Variants in JAKMIP1 observed in about 807,000 individuals in gnomAD.
JAKMIP1 encodes the protein janus kinase and microtubule interacting protein 1.
JAKMIP1 carries 33 observed loss-of-function variants against 113.0 expected under a neutral mutation model. That is an observed-to-expected ratio of 0.29 (90% confidence interval 0.22 to 0.39). The LOEUF is 0.39. JAKMIP1 is among the 10% of genes least tolerant of loss of function. JAKMIP1 has a pLI of 1.00. For missense variants in JAKMIP1, 813 were observed against 1,080.5 expected, an observed-to-expected ratio of 0.75 and a Z score of 3.47; for synonymous variants, 480 against 459.9, an observed-to-expected ratio of 1.04 and a Z score of -0.56.
Position 6,176,963 on chromosome 4 carries a change from G to A in JAKMIP1, c.-148+23290C>T, listed in dbSNP as rs1725412349. Among the ~76,000 whole-genome samples, 1 of 152,172 alleles carries A rather than the reference G, an allele frequency of 6.6e-6. No individual in the cohort carries two copies. Among genetic ancestry groups the A allele is most frequent in the African/African-American group, 2.4e-5 (1 of 41,440 alleles). On this transcript the variant is annotated intron_variant, in intron 1 of 20. Transcript: ENST00000409021. This position sits in a 1 kb window ranked among gnomAD's most constrained non-coding sequence, Gnocchi z 5.5. ...TGGGAGGATCGCTTGCATCGGGGAG[G>A]TTGAGGCTGCAGTGAGCCATGATTT...
At chr4:6,052,643 T>C (rs968652509) in intron 13 of JAKMIP1, among the ~76,000 whole-genome samples, 19 of 125,950 alleles carry the variant, frequency 1.5e-4, no homozygotes, top group African/African-American at 5.8e-4. Flanking sequence ...AGAGCGAGAC[T>C]CTGTCCTAAA....
intron 1 of JAKMIP1, among the ~76,000 whole-genome samples, chr4:6,132,869 A>G (rs1256351582): frequency 2.0e-5 from 3 of 152,090 alleles, no homozygotes; most frequent in South Asian, 2.1e-4. Context: ...TGCTACAAGA[A>G]AGCACTGCAT....
At position 6,080,913 on chromosome 4, in the gene JAKMIP1, G is replaced by A. The variant is rs1720424654; in HGVS notation, c.1102-601C>T. 6.6e-6 allele frequency among the ~76,000 whole-genome samples: 1 copy of A among 151,362 alleles called. No individual in the cohort carries two copies. The highest frequency in any genetic ancestry group is 2.1e-4 in the South Asian group (1 of 4,772). On this transcript the variant is annotated intron_variant, in intron 6 of 20. Coordinates refer to ENST00000409021, the MANE Select transcript of JAKMIP1 (RefSeq NM_001099433.2). The surrounding 1 kb of genome is among the most constrained non-coding windows in gnomAD (Gnocchi z 6.0). ...TGCGCAGGGCCTGGGGGTGGAAGAC[G>A]ACATTTGAAATGAGCCTAGAAACCT... is the stretch of plus-strand genomic sequence containing the variant.
chr4:6,124,554 C>T (rs571993578), intron 1 of JAKMIP1, among the ~76,000 whole-genome samples: 1 of 152,358 alleles, frequency 6.6e-6, no homozygotes, highest in East Asian at 1.9e-4. Flanking sequence ...ACAGTGGCCT[C>T]CCCTGGTCTA....
intron 1 of JAKMIP1, among the ~76,000 whole-genome samples, chr4:6,149,369 GCCCAGGCCCA>G (rs1247292937): frequency 1.3e-5 from 2 of 152,128 alleles, no homozygotes; most frequent in Non-Finnish European, 2.9e-5. Flanking sequence ...GAACTGCTTG[GCCCAGGCCCA>G]CCCAGGCCAC....
chr4:6,181,440 T>G lies in JAKMIP1; in HGVS notation c.-148+18813A>C, dbSNP rs999947594. The stretch of plus-strand genomic sequence containing the variant: ...CCAGCTCAGTACAGAAGGAAGTCCT[T>G]CTCAGGTGCAGACATTTGCAGAGTC... On this transcript the variant is annotated intron_variant, in intron 1 of 20. Transcript: ENST00000409021. This position sits in a 1 kb window ranked among gnomAD's most constrained non-coding sequence, Gnocchi z 5.4. 6.6e-6 allele frequency among the ~76,000 whole-genome samples: 1 copy of G among 152,034 alleles called. No homozygotes were observed. Among genetic ancestry groups the G allele is most frequent in the Non-Finnish European group, 1.5e-5 (1 of 67,986 alleles).
At chr4:6,102,887 CTG>C (rs1713301868) in intron 3 of JAKMIP1, among the ~76,000 whole-genome samples, 2 of 151,800 alleles carry the variant, frequency 1.3e-5, no homozygotes, top group African/African-American at 4.8e-5. Context: ...GCGCCCACCA[CTG>C]CACCCCGCTA....
chr4:6,034,058 A>C (rs1334659625), intron 19 of JAKMIP1, among the ~76,000 whole-genome samples: 1 of 138,524 alleles, frequency 7.2e-6, no homozygotes. Context: ...AGACTTAATC[A>C]GGTAGCCAAA....
intron 3 of JAKMIP1, among the ~76,000 whole-genome samples, chr4:6,095,778 C>G (rs1711631688): frequency 6.6e-6 from 1 of 151,348 alleles, no homozygotes; most frequent in South Asian, 2.1e-4. Context: ...GTTGTTTGCA[C>G]AGAGGCGGGG....
intron 20 of JAKMIP1, among the ~76,000 whole-genome samples, chr4:6,028,370 G>GC (rs1712137833): frequency 6.6e-6 from 1 of 152,200 alleles, no homozygotes; most frequent in African/African-American, 2.4e-5. Flanking sequence ...CCGCCCCTGC[G>GC]CACAGATCCT....
At chr4:6,124,253 C>T (rs1717110099) in intron 1 of JAKMIP1, among the ~76,000 whole-genome samples, 1 of 152,236 alleles carries the variant, frequency 6.6e-6, no homozygotes, top group Non-Finnish European at 1.5e-5. Flanking sequence ...GGCCAGGGCT[C>T]CCAAGCCCTG....
rs1379523702 is a variant in JAKMIP1, at chr4:6,116,610, C to G, written c.-147-3613G>C. Among the ~76,000 whole-genome samples the G allele has an allele frequency of 1.3e-5, 2 of 150,064 alleles. No homozygotes were observed. The highest frequency in any genetic ancestry group is 2.1e-4 in the South Asian group (1 of 4,808). ...CCCCAGAACTGAAATATCTCTGCAG[C>G]CCACCCATCTCTGACATCACATGTC... On this transcript the variant is annotated intron_variant, in intron 1 of 20. Transcript: ENST00000409021. The surrounding 1 kb of genome is among the most constrained non-coding windows in gnomAD (Gnocchi z 5.1).
At chr4:6,119,833 G>A (rs927989792) in intron 1 of JAKMIP1, among the ~76,000 whole-genome samples, 1 of 152,244 alleles carries the variant, frequency 6.6e-6, no homozygotes, top group Non-Finnish European at 1.5e-5. Flanking sequence ...GAAAGCAGAA[G>A]TGAGTTGCCC....
At chr4:6,132,703 A>T (rs938799167) in intron 1 of JAKMIP1, among the ~76,000 whole-genome samples, 1 of 152,050 alleles carries the variant, frequency 6.6e-6, no homozygotes, top group Non-Finnish European at 1.5e-5. Flanking sequence ...AGAAACAAAG[A>T]TTAAGGGTCA....
rs1417540400 is a variant in JAKMIP1, at chr4:6,143,648, T to C, written c.-147-30651A>G. ...GATCCTTAGACCAGCAGCATCTGCA[T>C]CAGCTGGGAGCTTGTTAGGAGTTAA... On this transcript the variant is annotated intron_variant, in intron 1 of 20. Coordinates refer to ENST00000409021, the MANE Select transcript of JAKMIP1 (RefSeq NM_001099433.2). This position sits in a 1 kb window ranked among gnomAD's most constrained non-coding sequence, Gnocchi z 4.9. Among the ~76,000 whole-genome samples, 1 of 152,234 alleles carries C rather than the reference T, an allele frequency of 6.6e-6. No homozygotes were observed. Among genetic ancestry groups the C allele is most frequent in the Non-Finnish European group, 1.5e-5 (1 of 68,040 alleles).
intron 13 of JAKMIP1, among the ~76,000 whole-genome samples, chr4:6,053,449 G>A (rs922674477): frequency 1.3e-4 from 20 of 152,168 alleles, no homozygotes; most frequent in Non-Finnish European, 2.5e-4. Context: ...TTTGAACAAC[G>A]TAACTAGTTT....
At position 6,094,970 on chromosome 4, in the gene JAKMIP1, C is replaced by A. The variant is rs1578214388; in HGVS notation, c.625-9341G>T. Reference sequence around the variant, plus strand: ...CTGCACTCCAGCCTGGGCGACAGAGCAAGACCCTGTCAAAAAAGAAAAAAG... The same window carrying A: ...CTGCACTCCAGCCTGGGCGACAGAGAAAGACCCTGTCAAAAAAGAAAAAAG... On this transcript the variant is annotated intron_variant, in intron 3 of 20. Coordinates refer to ENST00000409021, the MANE Select transcript of JAKMIP1 (RefSeq NM_001099433.2). This position sits in a 1 kb window ranked among gnomAD's most constrained non-coding sequence, Gnocchi z 4.2. Among the ~76,000 whole-genome samples the A allele has an allele frequency of 6.8e-6, 1 of 146,340 alleles. No homozygotes were observed. Among genetic ancestry groups the A allele is most frequent in the Non-Finnish European group, 1.5e-5 (1 of 67,184 alleles).
In JAKMIP1 at chr4:6,157,581, T is replaced by C. The variant is rs550354971; in HGVS notation, c.-148+42672A>G. Among the ~76,000 whole-genome samples the C allele has an allele frequency of 9.2e-5, 14 of 152,292 alleles. No homozygotes were observed. Among genetic ancestry groups the C allele is most frequent in the Admixed American group, 8.5e-4 (13 of 15,296 alleles). ...TTTCATAAGCCACTGGCACAGACCA[T>C]CACAACTCAGAACCGGGATCTCCGA... On this transcript the variant is annotated intron_variant, in intron 1 of 20. Coordinates refer to ENST00000409021, the MANE Select transcript of JAKMIP1 (RefSeq NM_001099433.2). The surrounding 1 kb of genome is among the most constrained non-coding windows in gnomAD (Gnocchi z 4.7).
chr4:6,036,933 G>C (rs1426542699), intron 18 of JAKMIP1, among the ~76,000 whole-genome samples: 7 of 150,502 alleles, frequency 4.7e-5, no homozygotes, highest in Non-Finnish European at 3.0e-5. Context: ...CCATCACCGA[G>C]GTAGAGGCTA....
Sources: gnomAD v4.1 joint callset for allele counts (sites outside exome capture counted in the v4.1 genomes callset) on GRCh38, gnomAD v4.1.1 for gene constraint, Gnocchi (gnomAD v3.1) non-coding constraint, MANE v1.5 for transcripts, NCBI Gene and HGNC (gene_info 2026-07-23, HGNC 2026-07-21) for gene names.